WASHC2A: variants seen among roughly 807,000 people sequenced by gnomAD.
The protein encoded by WASHC2A is WASH complex subunit 2A.
Under a neutral mutation model 140.3 loss-of-function variants are expected in WASHC2A, and 82 were observed. The observed-to-expected ratio is 0.58, with a 90% CI of 0.49 to 0.70. The LOEUF is 0.70. WASHC2A is among the 30% of genes least tolerant of loss of function. The pLI is 0.00. For missense variants in WASHC2A, 985 were observed against 1,521.8 expected (o/e 0.65, Z 5.87); for synonymous variants, 340 against 560.8 (o/e 0.61, Z 5.56).
At chr10:50,121,897 C>T (rs1386711958) in intron 23 of WASHC2A, among the ~76,000 whole-genome samples, 2 of 145,778 alleles carry the variant, frequency 1.4e-5, no homozygotes, top group Non-Finnish European at 3.0e-5. Flanking sequence ...GTTTATGGAC[C>T]AGAAACCTTA....
At chr10:50,095,257 T>C in intron 14 of WASHC2A, 50 bp downstream of exon 14, 1 of 1,427,808 alleles carries the variant, frequency 7.0e-7, no homozygotes, top group East Asian at 2.4e-5. Flanking sequence ...TACTGTTTTT[T>C]GCATTTCAAA....
In WASHC2A at chr10:50,131,368, G is replaced by A. The variant is rs1312927311; in HGVS notation, c.3886+290G>A. On this transcript the variant is annotated intron_variant, in intron 30 of 30. Transcript: ENST00000282633. ...TCACCAATCATCTGTGACACACCCC[G>A]GTGTTATGAAAGGAGGTTTGATCAG... Among the ~76,000 whole-genome samples, 3 of 152,180 alleles carry A rather than the reference G, an allele frequency of 2.0e-5. No homozygotes were observed. The East Asian group carries it at 5.8e-4, about 29-fold the overall frequency.
chr10:50,068,032 G>A (rs375041249), intron 1 of WASHC2A, 24 bp downstream of exon 1: 1 of 1,607,470 alleles, frequency 6.2e-7, no homozygotes, highest in African/African-American at 1.3e-5. Context: ...GCAGGAGAGA[G>A]GCCGGCCTGG....
chr10:50,071,947 C>T (rs1418037991), intron 3 of WASHC2A, among the ~76,000 whole-genome samples: 1 of 142,386 alleles, frequency 7.0e-6, no homozygotes, highest in East Asian at 2.0e-4. Flanking sequence ...CTTGCTCTGT[C>T]ATCCAGGCTG....
chr10:50,127,250 C>T, intron 27 of WASHC2A, 28 bp downstream of exon 27: 1 of 1,611,960 alleles, frequency 6.2e-7, no homozygotes, highest in South Asian at 1.1e-5. Context: ...ATCTTCATTG[C>T]CTGCCCTGTG....
At position 50,090,854 on chromosome 10, in the gene WASHC2A, G is replaced by A; in HGVS notation, c.811G>A (p.Asp271Asn). 2 of 1,611,604 alleles carry A rather than the reference G, an allele frequency of 1.2e-6. No individual in the cohort carries two copies. Among genetic ancestry groups the A allele is most frequent in the Middle Eastern group, 2.3e-4 (1 of 4,430 alleles). Residue 271 changes from aspartate (D) to asparagine (N), a missense_variant, in exon 9 of 31, where the codon GAT becomes AAT. Asp to Asn is a conservative substitution (Grantham distance 23, BLOSUM62 1). Coordinates refer to ENST00000282633, the MANE Select transcript of WASHC2A (RefSeq NM_001005751.3). ...LFADSEKEEE[D>N]IEDIEENTRP... ...CGCTGACTCTGAGAAGGAGGAGGAA[G>A]ATATTGAGGACATTGAAGAAAATAC... is the stretch of plus-strand genomic sequence containing the variant.
intron 17 of WASHC2A, among the ~76,000 whole-genome samples, 169 bp from the exon 18 acceptor site, chr10:50,103,873 A>C (rs1413677134): frequency 6.6e-6 from 1 of 151,968 alleles, no homozygotes; most frequent in Non-Finnish European, 1.5e-5. Flanking sequence ...CCCTGCACAG[A>C]CCCTGAGGCC....
intron 23 of WASHC2A, among the ~76,000 whole-genome samples, chr10:50,124,466 G>A (rs2133052927): frequency 6.6e-6 from 1 of 151,926 alleles, no homozygotes; most frequent in South Asian, 2.1e-4. Flanking sequence ...AGAATGTCAG[G>A]TCTGGAGCAT....
chr10:50,095,830 C>G (rs1471709789), intron 15 of WASHC2A, 52 bp downstream of exon 15: 1 of 1,555,836 alleles, frequency 6.4e-7, no homozygotes, highest in African/African-American at 1.4e-5. Context: ...AAGAACGTTG[C>G]CTAAAAAGAA....
In WASHC2A at chr10:50,089,189, T is replaced by C. The variant is rs1315678807; in HGVS notation, c.733-1587T>C. Among the ~76,000 whole-genome samples, 2 of 135,076 alleles carry C rather than the reference T, an allele frequency of 1.5e-5. 1 individual carries two copies. Among genetic ancestry groups the C allele is most frequent in the Non-Finnish European group, 3.3e-5 (2 of 61,110 alleles). 88.6% of individuals were successfully genotyped at this position (135,076 alleles called of 152,430 possible). A position where few individuals can be genotyped will look rare whatever the true frequency, so the allele number is the denominator to read the frequency against. On this transcript the variant is annotated intron_variant, in intron 8 of 30. Transcript: ENST00000282633. ...CATGTTGGCGCGGCTGGTCTTGAAC[T>C]CCTGACCTCAGGTGATCTGCCTGCC...
At chr10:50,129,296 T>A in intron 28 of WASHC2A, 123 bp from the exon 29 acceptor site, 1 of 1,544,968 alleles carries the variant, frequency 6.5e-7, no homozygotes, top group South Asian at 1.2e-5. Flanking sequence ...TGTTCTTAGA[T>A]AATATCTTCA....
At position 50,092,199 on chromosome 10, in the gene WASHC2A, CAAAGAG is replaced by C; in HGVS notation, c.972_977del (p.Glu325_Lys326del). Reference sequence around the variant, plus strand: ...GAGAAGCAAAACCTCGGAAGACACTCAAAGAGAAGAAGGAAAGGAGAACTCCTTCAG... The same window carrying C: ...GAGAAGCAAAACCTCGGAAGACACTCAAGAAGGAAAGGAGAACTCCTTCAG... On this transcript the variant is annotated inframe_deletion, in exon 11 of 31. Transcript: ENST00000282633. 4 of 1,595,418 alleles carry C rather than the reference CAAAGAG, an allele frequency of 2.5e-6. No individual in the cohort carries two copies. Among genetic ancestry groups the C allele is most frequent in the Non-Finnish European group, 3.4e-6 (4 of 1,168,428 alleles).
At position 50,110,200 on chromosome 10, in the gene WASHC2A, A is replaced by G; in HGVS notation, c.1969A>G (p.Lys657Glu). The change falls in exon 20 of 31, where the codon AAG becomes GAG. Residue 657 changes from lysine (K) to glutamate (E), a missense_variant. Lys to Glu is a moderately conservative substitution (Grantham distance 56). Coordinates refer to ENST00000282633, the MANE Select transcript of WASHC2A (RefSeq NM_001005751.3). ...TGGGACCCTCCAGAGCCAGGAGGCC[A>G]AGGCTGTGAAAAAGACCAGTCTCTT... Reference protein sequence around the residue: ...DSGTLQSQEAKAVKKTSLFEE... With the variant: ...DSGTLQSQEAEAVKKTSLFEE... The G allele has an allele frequency of 6.2e-7, 1 of 1,611,834 alleles. No homozygotes were observed. The highest frequency in any genetic ancestry group is 8.5e-7 in the Non-Finnish European group (1 of 1,179,812).
At chr10:50,068,480 A>C (rs547102929) in intron 2 of WASHC2A, among the ~76,000 whole-genome samples, 2,979 of 151,032 alleles carry the variant, frequency 0.02, 105 homozygotes, top group African/African-American at 0.069. Flanking sequence ...TCCGGAGGGG[A>C]GATCCGTTTC....
rs773702664 is a variant in WASHC2A, at chr10:50,132,790, T to C, written c.3887-16T>C. 4.3e-6 allele frequency: 7 copies of C among 1,612,036 alleles called. No homozygotes were observed. The highest frequency in any genetic ancestry group is 1.3e-5 in the African/African-American group (1 of 74,976). On this transcript the variant is annotated splice_polypyrimidine_tract_variant and intron_variant, in intron 30 of 30. Coordinates refer to ENST00000282633, the MANE Select transcript of WASHC2A (RefSeq NM_001005751.3). ...CACCCCTCTTCAGCAACCGTTCTTC[T>C]TTTTTCTTTCTAAAGATGACATCTT...
intron 27 of WASHC2A, 134 bp from the exon 28 acceptor site, chr10:50,127,449 C>G (rs879148057): frequency 2.5e-6 from 4 of 1,601,766 alleles, no homozygotes; most frequent in East Asian, 4.5e-5. Flanking sequence ...GAGACTAGAT[C>G]GGGCGATTTT....
intron 15 of WASHC2A, among the ~76,000 whole-genome samples, chr10:50,097,436 A>T (rs1465491628): frequency 6.7e-6 from 1 of 149,160 alleles, no homozygotes; most frequent in East Asian, 1.9e-4. Flanking sequence ...GGCTGCTTGG[A>T]TAAGCATGTC....
At chr10:50,075,847 A>G (rs1554877669) in intron 3 of WASHC2A, among the ~76,000 whole-genome samples, 1 of 152,082 alleles carries the variant, frequency 6.6e-6, no homozygotes, top group African/African-American at 2.4e-5. Flanking sequence ...CTTTTTATTC[A>G]GAATTGTCAT....
chr10:50,093,415 C>T (rs782507278), intron 12 of WASHC2A, 29 bp downstream of exon 12: 2 of 1,212,466 alleles, frequency 1.6e-6, no homozygotes, highest in East Asian at 2.3e-5. Flanking sequence ...GCAACACTCC[C>T]TGCAGCTAGC....
Sources: allele counts gnomAD v4.1 joint callset (sites outside exome capture counted in the v4.1 genomes callset), GRCh38; gene constraint gnomAD v4.1.1; transcripts MANE v1.5; gene names NCBI Gene and HGNC (gene_info 2026-07-23, HGNC 2026-07-21).